The following DCBLD1 variants were observed in gnomAD, a reference collection of about 807,000 sequenced individuals.
DCBLD1 encodes the protein discoidin, CUB and LCCL domain containing 1.
In DCBLD1, 57 loss-of-function variants were observed where a neutral mutation model predicts 71.5. The observed-to-expected ratio is 0.80, with a 90% confidence interval of 0.64 to 0.99. The LOEUF is 0.99. Among genes scored for constraint, DCBLD1 ranks in the 50% least tolerant of loss-of-function variants. The probability of loss-of-function intolerance (pLI) is 0.00; values close to 1 mark genes in which losing one functional copy is unlikely to be tolerated. For synonymous variants in DCBLD1, 380 were observed against 363.8 expected (o/e 1.04, Z -0.51); for missense variants, 891 against 923.5 (o/e 0.96, Z 0.46).
intron 2 of DCBLD1, among the ~76,000 whole-genome samples, chr6:117,518,894 C>T (rs1003587383): frequency 7.2e-5 from 11 of 152,198 alleles, no homozygotes; most frequent in African/African-American, 1.4e-4. Context: ...TAATATAACC[C>T]GGTTTTATTC....
chr6:117,503,007 C>A (rs1562435391), intron 1 of DCBLD1, among the ~76,000 whole-genome samples: 1 of 152,140 alleles, frequency 6.6e-6, no homozygotes, highest in East Asian at 1.9e-4. Context: ...TTTGTTTAGA[C>A]CCCTGATGTA....
intron 2 of DCBLD1, among the ~76,000 whole-genome samples, chr6:117,514,617 A>G (rs1043130901): frequency 7.9e-5 from 12 of 151,826 alleles, no homozygotes; most frequent in Non-Finnish European, 1.0e-4. Flanking sequence ...AATCCTCTCA[A>G]TGATGATATT....
At chr6:117,510,354 G>C (rs1200839277) in intron 2 of DCBLD1, among the ~76,000 whole-genome samples, 3 of 147,552 alleles carry the variant, frequency 2.0e-5, no homozygotes, top group African/African-American at 5.1e-5. Flanking sequence ...CACACACACA[G>C]ACACAGACAC....
chr6:117,538,124 A>G (rs1778962289), intron 7 of DCBLD1, among the ~76,000 whole-genome samples: 2 of 152,180 alleles, frequency 1.3e-5, no homozygotes, highest in South Asian at 2.1e-4. Flanking sequence ...CTGCCTTCAC[A>G]TTGGTATATT....
intron 4 of DCBLD1, among the ~76,000 whole-genome samples, chr6:117,521,943 T>C (rs987259153): frequency 6.6e-6 from 1 of 152,224 alleles, no homozygotes; most frequent in African/African-American, 2.4e-5. Flanking sequence ...TCACAGGCCA[T>C]AGTTTGCTGA....
chr6:117,501,307 T>C (rs1217730182), intron 1 of DCBLD1, among the ~76,000 whole-genome samples: 1 of 150,846 alleles, frequency 6.6e-6, no homozygotes, highest in East Asian at 1.9e-4. Context: ...TGCCTGATCA[T>C]GTGGTTGTCA....
At chr6:117,498,170 C>G (rs188775582) in intron 1 of DCBLD1, among the ~76,000 whole-genome samples, 1 of 152,250 alleles carries the variant, frequency 6.6e-6, no homozygotes, top group East Asian at 1.9e-4. Flanking sequence ...TTCATGAATA[C>G]TTGCACCTTT....
intron 2 of DCBLD1, among the ~76,000 whole-genome samples, chr6:117,509,298 G>A (rs1445505213): frequency 1.3e-5 from 2 of 152,152 alleles, no homozygotes; most frequent in Admixed American, 1.3e-4. Flanking sequence ...TGGGCATGGT[G>A]ATACATGCCC....
intron 14 of DCBLD1, chr6:117,562,353 AACTTTT>A: frequency 5.0e-6 from 1 of 199,508 alleles, no homozygotes; most frequent in Non-Finnish European, 1.0e-5. Context: ...AATAAATCTG[AACTTTT>A]ACTACCAGAA....
At chr6:117,557,244 T>C (rs62433150) in intron 14 of DCBLD1, among the ~76,000 whole-genome samples, 8,799 of 152,270 alleles carry the variant, frequency 0.058, 349 homozygotes, top group Middle Eastern at 0.11. Flanking sequence ...TTATCCCTAA[T>C]GGTTTTTTTC....
Position 117,482,726 on chromosome 6 carries a change from G to T in DCBLD1, c.-56G>T. The T allele has an allele frequency of 2.7e-6, 3 of 1,111,580 alleles. No homozygotes were observed. The highest frequency in any genetic ancestry group is 3.3e-6 in the Non-Finnish European group (3 of 911,672). 68.9% of individuals were successfully genotyped at this position (1,111,580 alleles called of 1,614,324 possible). Reference sequence around the variant, plus strand: ...GAGGCGGCCCGGCCCGGGCAGCTGCGGCTCGGGATCCGTCGAGGGGAGGCC... The same window carrying T: ...GAGGCGGCCCGGCCCGGGCAGCTGCTGCTCGGGATCCGTCGAGGGGAGGCC... On this transcript the variant is annotated 5_prime_UTR_variant, in exon 1 of 15. Coordinates refer to ENST00000338728, the MANE Select transcript of DCBLD1 (RefSeq NM_001366458.2).
rs942308402 is a variant in DCBLD1, at chr6:117,519,798, A to C, written c.326-18A>C. 1.9e-6 allele frequency: 3 copies of C among 1,599,382 alleles called. No individual in the cohort carries two copies. Among genetic ancestry groups the C allele is most frequent in the Non-Finnish European group, 2.6e-6 (3 of 1,167,610 alleles). ...GGTATAAATTTTGAAATGTGCCACAAGTGTGCTTTGTTTTTAGGTCCATAC... is the reference window on the plus strand; with the variant it reads ...GGTATAAATTTTGAAATGTGCCACACGTGTGCTTTGTTTTTAGGTCCATAC... On this transcript the variant is annotated intron_variant, in intron 2 of 14. Coordinates refer to ENST00000338728, the MANE Select transcript of DCBLD1 (RefSeq NM_001366458.2).
chr6:117,567,368 A>G (rs1241656668), intron 14 of DCBLD1, among the ~76,000 whole-genome samples: 1 of 152,212 alleles, frequency 6.6e-6, no homozygotes, highest in Non-Finnish European at 1.5e-5. Flanking sequence ...GTTATTTGCT[A>G]CTTTGTACTG....
chr6:117,533,222 A>G (rs1778781545), intron 6 of DCBLD1, among the ~76,000 whole-genome samples: 1 of 152,190 alleles, frequency 6.6e-6, no homozygotes, highest in East Asian at 1.9e-4. Context: ...CCTGGGTTCC[A>G]AGAATAAGGC....
At chr6:117,494,767 C>T (rs1371354888) in intron 1 of DCBLD1, 2 of 152,098 alleles carry the variant, frequency 1.3e-5, no homozygotes, top group Non-Finnish European at 2.9e-5. Flanking sequence ...ACTCCAGAGG[C>T]CAAAGTCCAC....
intron 14 of DCBLD1, chr6:117,563,341 G>A (rs762873808): frequency 5.0e-6 from 8 of 1,613,178 alleles, no homozygotes; most frequent in Non-Finnish European, 5.1e-6. Context: ...CAGTGCCCAG[G>A]TCTCCATTTT....
chr6:117,527,685 G>A (rs1005111831), intron 5 of DCBLD1, among the ~76,000 whole-genome samples: 1 of 152,150 alleles, frequency 6.6e-6, no homozygotes, highest in African/African-American at 2.4e-5. Context: ...TGATTTCCTA[G>A]TCACTGAAAA....
chr6:117,531,336 C>T lies in DCBLD1; in HGVS notation c.586-924C>T, dbSNP rs577909153. ...ATTTAGGAAATTATGTTTCTTATCC[C>T]CTCACTCCTGGGTCTGAGTGCCTTA... On this transcript the variant is annotated intron_variant, in intron 5 of 14. Transcript: ENST00000338728. Among the ~76,000 whole-genome samples the T allele has an allele frequency of 3.3e-5, 5 of 152,262 alleles. No homozygotes were observed. The South Asian group carries it at 1.0e-3, about 32-fold the overall frequency.
chr6:117,530,258 C>T (rs936672609), intron 5 of DCBLD1, among the ~76,000 whole-genome samples: 9 of 152,156 alleles, frequency 5.9e-5, no homozygotes, highest in Admixed American at 5.9e-4. Flanking sequence ...ACCTTTTTGG[C>T]AACAGGGACC....
Sources: gnomAD v4.1 joint callset for allele counts (sites outside exome capture counted in the v4.1 genomes callset) on GRCh38, gnomAD v4.1.1 for gene constraint, MANE v1.5 for transcripts, NCBI Gene and HGNC (gene_info 2026-07-23, HGNC 2026-07-21) for gene names.